Variants in SNTG1 observed in about 807,000 individuals in gnomAD.
SNTG1 encodes syntrophin gamma 1.
SNTG1 carries 39 observed loss-of-function variants against 74.7 expected under a neutral mutation model. That is an observed-to-expected ratio of 0.52 (90% CI 0.40 to 0.68). The LOEUF (loss-of-function observed/expected upper bound fraction) is 0.68. SNTG1 is among the 30% of genes least tolerant of loss of function. SNTG1 has a pLI of 0.00. For synonymous variants in SNTG1, 254 were observed against 217.1 expected (o/e 1.17, Z -1.49); for missense variants, 685 against 609.5 (o/e 1.12, Z -1.30).
At chr8:50,419,485 G>C (rs1356610336) in intron 4 of SNTG1, among the ~76,000 whole-genome samples, 1 of 152,144 alleles carries the variant, frequency 6.6e-6, no homozygotes, top group African/African-American at 2.4e-5. Context: ...TGGTATCAGA[G>C]AAGATTATCT....
intron 12 of SNTG1, among the ~76,000 whole-genome samples, chr8:50,570,733 T>G (rs1261389086): frequency 6.6e-6 from 1 of 151,624 alleles, no homozygotes; most frequent in Non-Finnish European, 1.5e-5. Context: ...GGCTCCCAAA[T>G]AGCTGGGACT....
intron 4 of SNTG1, among the ~76,000 whole-genome samples, chr8:50,430,426 C>T (rs774523427): frequency 6.6e-6 from 1 of 152,100 alleles, no homozygotes; most frequent in Non-Finnish European, 1.5e-5. Flanking sequence ...TCTGTTAGTT[C>T]TTCTCTAACA....
intron 13 of SNTG1, among the ~76,000 whole-genome samples, chr8:50,611,629 T>C (rs1252616710): frequency 6.6e-6 from 1 of 152,190 alleles, no homozygotes; most frequent in Non-Finnish European, 1.5e-5. Flanking sequence ...ATACCCTTAA[T>C]ATGTTGAATA....
intron 15 of SNTG1, among the ~76,000 whole-genome samples, chr8:50,668,882 G>C (rs2095263920): frequency 6.6e-6 from 1 of 151,928 alleles, no homozygotes; most frequent in African/African-American, 2.4e-5. Context: ...GTCTGTCATT[G>C]GTGGGCATTT....
chr8:50,119,679 A>G (rs2080933433), intron 1 of SNTG1, among the ~76,000 whole-genome samples: 1 of 141,844 alleles, frequency 7.1e-6, no homozygotes, highest in African/African-American at 2.5e-5. Flanking sequence ...GCTAGCTATT[A>G]TTTTTTATCA....
At chr8:50,614,365 T>G (rs1398345434) in intron 13 of SNTG1, among the ~76,000 whole-genome samples, 19 of 152,110 alleles carry the variant, frequency 1.2e-4, no homozygotes, top group Non-Finnish European at 2.9e-5. Flanking sequence ...AGGCCTACAA[T>G]TCCTACAGAA....
In SNTG1 at chr8:50,395,506, G is replaced by GTT. The variant is rs1554514155; in HGVS notation, c.27+1257_27+1258dup. Among the ~76,000 whole-genome samples the GTT allele has an allele frequency of 2.0e-3, 275 of 135,658 alleles. 2 individuals are homozygous for GTT. Among genetic ancestry groups the GTT allele is most frequent in the Middle Eastern group, 8.3e-3 (2 of 242 alleles). The allele number at this position is 135,658 out of a possible 152,430, so 89.0% of individuals were successfully genotyped here. Reference sequence around the variant, plus strand: ...TTTAAATTTTAATTGTCTAATTTCTGTTTTTTTTTTTTTTTTTAATGGAGT... The same window carrying GTT: ...TTTAAATTTTAATTGTCTAATTTCTGTTTTTTTTTTTTTTTTTTTAATGGAGT... On this transcript the variant is annotated intron_variant, in intron 3 of 18. Coordinates refer to ENST00000642720, the MANE Select transcript of SNTG1 (RefSeq NM_018967.5).
intron 2 of SNTG1, among the ~76,000 whole-genome samples, chr8:50,283,577 C>A (rs937221940): frequency 6.6e-6 from 1 of 152,120 alleles, no homozygotes; most frequent in Non-Finnish European, 1.5e-5. Context: ...ATTCCAGCAT[C>A]CTTTAGTATT....
intron 18 of SNTG1, among the ~76,000 whole-genome samples, chr8:50,755,273 C>A (rs2095577504): frequency 6.6e-6 from 1 of 151,734 alleles, no homozygotes; most frequent in African/African-American, 2.4e-5. Flanking sequence ...CTATCTTCCC[C>A]CCACCCCAAG....
intron 13 of SNTG1, among the ~76,000 whole-genome samples, chr8:50,647,599 C>T (rs2095117960): frequency 6.6e-6 from 1 of 151,586 alleles, no homozygotes; most frequent in African/African-American, 2.4e-5. Context: ...TGCTGTGAAC[C>T]CAAAACCACT....
At chr8:50,601,966 A>G (rs896869723) in intron 13 of SNTG1, among the ~76,000 whole-genome samples, 3 of 151,984 alleles carry the variant, frequency 2.0e-5, no homozygotes, top group Admixed American at 6.6e-5. Context: ...ATTAGCATGG[A>G]ATATCTTTCA....
chr8:50,709,773 C>T (rs1485688047), intron 17 of SNTG1, among the ~76,000 whole-genome samples: 1 of 152,178 alleles, frequency 6.6e-6, no homozygotes, highest in Non-Finnish European at 1.5e-5. Flanking sequence ...ACATCCTCTT[C>T]CCTCTCATTG....
intron 8 of SNTG1, among the ~76,000 whole-genome samples, chr8:50,455,116 T>C (rs2093492969): frequency 2.0e-5 from 3 of 152,174 alleles, no homozygotes; most frequent in Admixed American, 2.0e-4. Flanking sequence ...TCACTAGAAA[T>C]AATAGTAAAT....
At chr8:50,260,917 G>A (rs4577969) in intron 2 of SNTG1, among the ~76,000 whole-genome samples, 85,764 of 151,984 alleles carry the variant, frequency 0.56, 27,946 homozygotes, top group East Asian at 0.83. Context: ...AAATACAATA[G>A]CTATAACACA....
chr8:50,294,324 A>G (rs562435827), intron 2 of SNTG1, among the ~76,000 whole-genome samples: 172 of 152,342 alleles, frequency 1.1e-3, no homozygotes, highest in African/African-American at 3.7e-3. Context: ...AAGGCTCAGG[A>G]GTCATCCAAC....
intron 2 of SNTG1, among the ~76,000 whole-genome samples, chr8:50,202,473 C>T (rs938182265): frequency 6.6e-6 from 1 of 152,052 alleles, no homozygotes; most frequent in African/African-American, 2.4e-5. Flanking sequence ...TCCACCGATT[C>T]TTTCACTTAG....
intron 18 of SNTG1, among the ~76,000 whole-genome samples, chr8:50,760,468 T>A (rs559424911): frequency 1.3e-5 from 2 of 151,898 alleles, no homozygotes; most frequent in Non-Finnish European, 1.5e-5. Context: ...ATGATATTGG[T>A]TGTGGGTTTG....
At chr8:50,124,526 A>C (rs1382164756) in intron 1 of SNTG1, among the ~76,000 whole-genome samples, 3 of 142,734 alleles carry the variant, frequency 2.1e-5, no homozygotes, top group Admixed American at 7.2e-5. Flanking sequence ...TCAAAAGATT[A>C]ACGTTGCATA....
At chr8:50,676,405 G>T (rs1054113421) in intron 15 of SNTG1, among the ~76,000 whole-genome samples, 1 of 151,888 alleles carries the variant, frequency 6.6e-6, no homozygotes, top group Non-Finnish European at 1.5e-5. Context: ...TCTTCCATTT[G>T]GTTGACTTGG....
Sources: allele counts gnomAD v4.1 joint callset (sites outside exome capture counted in the v4.1 genomes callset), GRCh38; gene constraint gnomAD v4.1.1; transcripts MANE v1.5; gene names NCBI Gene and HGNC (gene_info 2026-07-23, HGNC 2026-07-21).